PHF21B: variants seen among roughly 807,000 people sequenced by gnomAD.
The protein encoded by PHF21B is PHD finger protein 21B.
In PHF21B, 22 loss-of-function variants were observed where a neutral mutation model predicts 62.2. The observed-to-expected ratio is 0.35, with a 90% CI of 0.25 to 0.51. The LOEUF (loss-of-function observed/expected upper bound fraction) is 0.51, where lower values mean the gene tolerates loss of function less well. Ranked by LOEUF, PHF21B falls within the 20% of genes least tolerant of loss-of-function variation. The probability of loss-of-function intolerance (pLI) is 0.97; values close to 1 mark genes in which losing one functional copy is unlikely to be tolerated. For synonymous variants in PHF21B, 341 were observed against 314.7 expected (o/e 1.08, Z -0.88); for missense variants, 701 against 707.9 (o/e 0.99, Z 0.11).
intron 2 of PHF21B, among the ~76,000 whole-genome samples, chr22:44,945,567 C>T (rs955251422): frequency 5.3e-5 from 8 of 152,156 alleles, no homozygotes; most frequent in African/African-American, 1.7e-4. Flanking sequence ...CCCCAAATCC[C>T]CACACTGCTC....
intron 4 of PHF21B, 120 bp from the exon 5 acceptor site, chr22:44,914,208 G>A: frequency 5.3e-6 from 3 of 570,830 alleles, no homozygotes; most frequent in Non-Finnish European, 6.3e-6. Context: ...GCCAACCTGG[G>A]AGGGCGGATC....
intron 2 of PHF21B, among the ~76,000 whole-genome samples, chr22:44,997,039 C>G (rs536561587): frequency 2.0e-4 from 31 of 152,352 alleles, no homozygotes; most frequent in South Asian, 1.9e-3. Flanking sequence ...CTGTCTCCCC[C>G]CCGAGTCTCT....
In PHF21B at chr22:44,916,391, G is replaced by A. The variant is rs1483294288; in HGVS notation, c.453C>T (p.Ala151=). 6.3e-7 allele frequency: 1 copy of A among 1,591,212 alleles called. No individual in the cohort carries two copies. The highest frequency in any genetic ancestry group is 2.2e-5 in the East Asian group (1 of 44,774). ...SPLSSAGVAY[A]IISTSPSNAA... ...CATTGCTGGGGGAGGTGGAGATGAT[G>A]GCGTAGGCCACCCCCGCACTGCTCA... The change falls in exon 4 of 13, where the codon GCC becomes GCT. Residue 151 remains alanine, a synonymous_variant. Transcript: ENST00000313237.
In PHF21B at chr22:45,007,939, G is replaced by T. The variant is rs183716290; in HGVS notation, c.120+606C>A. On this transcript the variant is annotated intron_variant, in intron 2 of 12. Coordinates refer to ENST00000313237, the MANE Select transcript of PHF21B (RefSeq NM_138415.5). ...GGGGGAGCGGTCGCGCCTCCGACGCGTGGGAGCTTCTCAGGTGTCCCCAAC... is the reference window on the plus strand; with the variant it reads ...GGGGGAGCGGTCGCGCCTCCGACGCTTGGGAGCTTCTCAGGTGTCCCCAAC... 1.4e-3 allele frequency among the ~76,000 whole-genome samples: 211 copies of T among 152,080 alleles called. 1 individual carries two copies. The highest frequency in any genetic ancestry group is 3.2e-3 in the Admixed American group (49 of 15,290).
rs578214624 is a variant in PHF21B, at chr22:44,914,066, G to A, written c.587C>T (p.Ser196Phe). Reference protein sequence around the residue: ...DNKPPPRLLSSPHPATHHCPL... With the variant: ...DNKPPPRLLSFPHPATHHCPL... Reference sequence around the variant, plus strand: ...ACAGTGATGGGTTGCGGGGTGAGGGGAAGAGAGGAGGCGTGGAGGAGGCTG... The same window carrying A: ...ACAGTGATGGGTTGCGGGGTGAGGGAAAGAGAGGAGGCGTGGAGGAGGCTG... Residue 196 changes from serine (S) to phenylalanine (F), a missense_variant, in exon 5 of 13, where the codon TCC (serine) becomes TTC (phenylalanine). Ser to Phe is a radical substitution (Grantham distance 155). Coordinates refer to ENST00000313237, the MANE Select transcript of PHF21B (RefSeq NM_138415.5). 1.3e-5 allele frequency: 16 copies of A among 1,211,194 alleles called. No individual in the cohort carries two copies. In the African/African-American group the frequency reaches 2.0e-4, roughly 15 times the overall value. 75.0% of individuals were successfully genotyped at this position (1,211,194 alleles called of 1,614,324 possible). A position where few individuals can be genotyped will look rare whatever the true frequency, so the allele number is the denominator to read the frequency against.
chr22:44,954,137 A>G (rs1172593933), intron 2 of PHF21B, among the ~76,000 whole-genome samples: 1 of 152,212 alleles, frequency 6.6e-6, no homozygotes, highest in African/African-American at 2.4e-5. Flanking sequence ...AGGAAATAGC[A>G]CTGCTAAGGT....
chr22:44,899,693 A>T (rs1601579576), intron 5 of PHF21B, among the ~76,000 whole-genome samples: 2 of 150,026 alleles, frequency 1.3e-5, no homozygotes, highest in South Asian at 4.3e-4. Flanking sequence ...AGGGGTTTTA[A>T]ATTTTTCCTT....
At chr22:44,974,327 T>A (rs574173771) in intron 2 of PHF21B, among the ~76,000 whole-genome samples, 1 of 149,450 alleles carries the variant, frequency 6.7e-6, no homozygotes, top group East Asian at 2.0e-4. Context: ...GGCAGGAGGG[T>A]CACTTGAGGC....
intron 2 of PHF21B, chr22:44,933,533 C>G (rs975124294): frequency 2.0e-6 from 2 of 985,428 alleles, no homozygotes; most frequent in African/African-American, 3.5e-5. Context: ...GGAAACAGAC[C>G]AGAAGTGAGC....
intron 2 of PHF21B, among the ~76,000 whole-genome samples, chr22:44,999,630 G>A (rs1398531187): frequency 1.3e-5 from 2 of 152,112 alleles, no homozygotes; most frequent in South Asian, 2.1e-4. Context: ...CGTGTGCCCC[G>A]GAGTAACAGT....
At chr22:44,900,449 C>T (rs565443254) in intron 5 of PHF21B, among the ~76,000 whole-genome samples, 16 of 152,176 alleles carry the variant, frequency 1.1e-4, no homozygotes, top group Middle Eastern at 3.4e-3. Context: ...TACAGGCACC[C>T]GCCACCACGC....
chr22:44,934,059 C>A (rs2071796726), intron 2 of PHF21B, among the ~76,000 whole-genome samples: 1 of 152,180 alleles, frequency 6.6e-6, no homozygotes, highest in Non-Finnish European at 1.5e-5. Context: ...CCAGAGGGGC[C>A]CTTCTTGACC....
intron 2 of PHF21B, among the ~76,000 whole-genome samples, chr22:45,006,998 T>C (rs2073325870): frequency 6.6e-6 from 1 of 151,438 alleles, no homozygotes; most frequent in Non-Finnish European, 1.5e-5. Context: ...AGGGCCTGGG[T>C]CCCCTCCCCC....
rs371693410 is a variant in PHF21B, at chr22:44,889,740, C to T, written c.1038+20G>A. The T allele has an allele frequency of 3.0e-5, 47 of 1,582,498 alleles. No homozygotes were observed. The highest frequency in any genetic ancestry group is 3.8e-5 in the Non-Finnish European group (44 of 1,167,694). Reference sequence around the variant, plus strand: ...ATTCTCCACCCCGGAAGTGTGAAGACGGAGGGAGGGGACACGTACCTTCCA... The same window carrying T: ...ATTCTCCACCCCGGAAGTGTGAAGATGGAGGGAGGGGACACGTACCTTCCA... On this transcript the variant is annotated intron_variant, in intron 9 of 12. Transcript: ENST00000313237.
chr22:45,006,444 G>A (rs1820460495), intron 2 of PHF21B, among the ~76,000 whole-genome samples: 1 of 152,182 alleles, frequency 6.6e-6, no homozygotes, highest in South Asian at 2.1e-4. Flanking sequence ...CAAATTTAAA[G>A]GCAAAGGCAG....
intron 2 of PHF21B, among the ~76,000 whole-genome samples, chr22:44,927,276 C>T (rs1569233356): frequency 1.3e-5 from 2 of 152,060 alleles, no homozygotes; most frequent in South Asian, 4.2e-4. Context: ...CCTGGCCATG[C>T]GTGTCCCCCC....
chr22:45,001,011 C>T (rs1262593936), intron 2 of PHF21B: 1 of 152,234 alleles, frequency 6.6e-6, no homozygotes, highest in Non-Finnish European at 1.5e-5. Flanking sequence ...ATGGCTTGCC[C>T]AAGGTTGCTC....
chr22:44,957,224 G>A (rs533055374), intron 2 of PHF21B, among the ~76,000 whole-genome samples: 1 of 152,368 alleles, frequency 6.6e-6, no homozygotes, highest in African/African-American at 2.4e-5. Flanking sequence ...GAACACAGTT[G>A]CACAGTGCTC....
In PHF21B at chr22:45,008,544, C is replaced by T. The variant is rs2073368011; in HGVS notation, c.120+1G>A. 1.3e-6 allele frequency: 2 copies of T among 1,577,738 alleles called. No individual in the cohort carries two copies. Among genetic ancestry groups the T allele is most frequent in the East Asian group, 2.3e-5 (1 of 43,302 alleles). ...GGGGGGGCCGCGATCCCATCGCTTA[C>T]TTGTTTGTCGCTGAGCGCGGCGATC... On this transcript the variant is annotated splice_donor_variant, in intron 2 of 12. Transcript: ENST00000313237. LOFTEE classifies it high-confidence loss of function.
Sources: allele counts gnomAD v4.1 joint callset (sites outside exome capture counted in the v4.1 genomes callset), GRCh38; gene constraint gnomAD v4.1.1; transcripts MANE v1.5; gene names NCBI Gene and HGNC (gene_info 2026-07-23, HGNC 2026-07-21).